MCC: variants seen among roughly 807,000 people sequenced by gnomAD.
MCC encodes colorectal mutant cancer protein.
MCC carries 90 observed loss-of-function variants against 116.2 expected under a neutral mutation model. The observed-to-expected ratio is 0.77, with a 90% CI of 0.65 to 0.92. MCC has a LOEUF of 0.92. Ranked by LOEUF, MCC falls within the 40% of genes least tolerant of loss-of-function variation. The pLI is 0.00. For synonymous variants in MCC, 578 were observed against 510.5 expected (o/e 1.13, Z -1.78); for missense variants, 1,516 against 1,312.2 (o/e 1.16, Z -2.40).
intron 2 of MCC, among the ~76,000 whole-genome samples, chr5:113,367,022 C>T (rs187281724): frequency 3.4e-4 from 51 of 152,094 alleles, no homozygotes; most frequent in African/African-American, 1.2e-3. Flanking sequence ...AGACTGGTCT[C>T]GAAATCATGG....
chr5:113,245,737 T>G (rs1397020836), intron 3 of MCC, among the ~76,000 whole-genome samples: 1 of 152,156 alleles, frequency 6.6e-6, no homozygotes, highest in Non-Finnish European at 1.5e-5. Flanking sequence ...ATTTTCTCCG[T>G]TTTTCATCCC....
At chr5:113,037,006 T>G (rs890916699) in intron 17 of MCC, among the ~76,000 whole-genome samples, 1 of 152,240 alleles carries the variant, frequency 6.6e-6, no homozygotes. Flanking sequence ...TGATTGCTTT[T>G]ATACATCAAC....
intron 6 of MCC, among the ~76,000 whole-genome samples, chr5:113,111,446 G>A (rs756847479): frequency 2.4e-4 from 36 of 152,200 alleles, no homozygotes; most frequent in Non-Finnish European, 4.6e-4. Flanking sequence ...TGGCCGGGGT[G>A]GGTTCCCATC....
At chr5:113,172,175 C>T (rs921784402) in intron 3 of MCC, among the ~76,000 whole-genome samples, 2 of 152,172 alleles carry the variant, frequency 1.3e-5, no homozygotes, top group Admixed American at 1.3e-4. Context: ...AATCCAGGCA[C>T]CTGACTTAAT....
intron 3 of MCC, among the ~76,000 whole-genome samples, chr5:113,174,826 C>T (rs1409500794): frequency 3.9e-5 from 6 of 151,996 alleles, no homozygotes; most frequent in African/African-American, 1.2e-4. Context: ...TGGGCTCAGA[C>T]GATCCTCCTG....
intron 3 of MCC, among the ~76,000 whole-genome samples, chr5:113,262,950 G>A (rs1029775758): frequency 4.6e-5 from 7 of 151,936 alleles, no homozygotes; most frequent in African/African-American, 1.2e-4. Context: ...GATGGCTAAC[G>A]AGGCCATCAA....
chr5:113,068,054 G>C, intron 13 of MCC, 26 bp downstream of exon 13: 1 of 1,586,586 alleles, frequency 6.3e-7, no homozygotes, highest in Non-Finnish European at 8.7e-7. Flanking sequence ...GACAAGAGGA[G>C]GAAGAGGGAC....
At chr5:113,068,453 C>A (rs1374889904) in intron 12 of MCC, among the ~76,000 whole-genome samples, 1 of 152,188 alleles carries the variant, frequency 6.6e-6, no homozygotes, top group African/African-American at 2.4e-5. Flanking sequence ...CCTTCAGTGA[C>A]CACCTGAAAG....
At chr5:113,482,119 A>G (rs1772396228) in intron 1 of MCC, among the ~76,000 whole-genome samples, 1 of 152,228 alleles carries the variant, frequency 6.6e-6, no homozygotes, top group East Asian at 1.9e-4. Flanking sequence ...TGGTTGAAAA[A>G]TATTCCACTA....
intron 3 of MCC, among the ~76,000 whole-genome samples, chr5:113,331,896 C>T (rs1767706347): frequency 6.6e-6 from 1 of 151,554 alleles, no homozygotes; most frequent in Non-Finnish European, 1.5e-5. Flanking sequence ...CCTCGGCCTC[C>T]CAAAGTGTGG....
chr5:113,155,627 G>A (rs1314434577), intron 3 of MCC, among the ~76,000 whole-genome samples: 2 of 152,176 alleles, frequency 1.3e-5, no homozygotes, highest in Admixed American at 1.3e-4. Flanking sequence ...TTATATTTAT[G>A]CCAATTTTTG....
chr5:113,433,748 C>T lies in MCC; in HGVS notation c.171-48536G>A, dbSNP rs369370531. On this transcript the variant is annotated intron_variant, in intron 1 of 18. Transcript: ENST00000408903. ...GGCCGCAAGAAGCTCACTGGGCCCG[C>T]GTCTCTGGAGGCTGTTGGGGGGGCC... The T allele has an allele frequency of 3.4e-5, 55 of 1,612,436 alleles. No homozygotes were observed. The East Asian group carries it at 8.5e-4, about 25-fold the overall frequency.
chr5:113,094,160 C>G (rs1448017196), intron 8 of MCC, among the ~76,000 whole-genome samples: 1 of 152,124 alleles, frequency 6.6e-6, no homozygotes, highest in East Asian at 1.9e-4. Flanking sequence ...AATCTATTTA[C>G]AGCAAATATT....
chr5:113,430,604 A>C (rs1346468632), intron 1 of MCC, among the ~76,000 whole-genome samples: 1 of 152,220 alleles, frequency 6.6e-6, no homozygotes, highest in African/African-American at 2.4e-5. Flanking sequence ...GAGGATTTGA[A>C]ATGTTCTAGT....
chr5:113,423,765 C>T (rs566945001), intron 1 of MCC, among the ~76,000 whole-genome samples: 32 of 152,206 alleles, frequency 2.1e-4, no homozygotes, highest in South Asian at 1.2e-3. Flanking sequence ...CAACCCGGCA[C>T]AGTCAAGTTT....
At chr5:113,193,457 T>C (rs1457508021) in intron 3 of MCC, among the ~76,000 whole-genome samples, 1 of 152,182 alleles carries the variant, frequency 6.6e-6, no homozygotes, top group African/African-American at 2.4e-5. Context: ...TTCTCCTGTT[T>C]GTCTACATTC....
At chr5:113,183,473 C>A (rs1213016388) in intron 3 of MCC, among the ~76,000 whole-genome samples, 5 of 152,092 alleles carry the variant, frequency 3.3e-5, no homozygotes, top group African/African-American at 1.2e-4. Context: ...GTATTATGGC[C>A]TCTAATGGAA....
chr5:113,363,262 C>T (rs568385196), intron 2 of MCC, among the ~76,000 whole-genome samples: 4 of 152,150 alleles, frequency 2.6e-5, no homozygotes, highest in South Asian at 4.1e-4. Flanking sequence ...GGCGACAGAG[C>T]GAGACTCCGT....
chr5:113,042,673 A>C (rs889216703), intron 17 of MCC, among the ~76,000 whole-genome samples: 1 of 151,892 alleles, frequency 6.6e-6, no homozygotes, highest in African/African-American at 2.4e-5. Flanking sequence ...AACTGCAACT[A>C]TCTGATAGGG....
Sources: allele counts gnomAD v4.1 joint callset (sites outside exome capture counted in the v4.1 genomes callset), GRCh38; gene constraint gnomAD v4.1.1; transcripts MANE v1.5; gene names NCBI Gene and HGNC (gene_info 2026-07-23, HGNC 2026-07-21).